SMC4: variants seen among roughly 807,000 people sequenced by gnomAD.
SMC4 encodes the protein structural maintenance of chromosomes protein 4.
Under a neutral mutation model 145.6 loss-of-function variants are expected in SMC4, and 87 were observed. That is an observed-to-expected ratio of 0.60 (90% CI 0.50 to 0.71). SMC4 has a LOEUF of 0.71. SMC4 is among the 30% of genes least tolerant of loss of function. SMC4 has a pLI of 0.00. For missense variants in SMC4, 1,447 were observed against 1,537.1 expected, an observed-to-expected ratio of 0.94 and a Z score of 0.98; for synonymous variants, 558 against 500.7, an observed-to-expected ratio of 1.11 and a Z score of -1.53.
intron 13 of SMC4, among the ~76,000 whole-genome samples, chr3:160,422,988 T>G (rs1027961412): frequency 6.6e-6 from 1 of 152,204 alleles, no homozygotes; most frequent in African/African-American, 2.4e-5. Flanking sequence ...GCTTTCAGTT[T>G]TATTACTTGT....
intron 15 of SMC4, 102 bp downstream of exon 15, chr3:160,423,942 C>A: frequency 1.3e-6 from 1 of 745,758 alleles, no homozygotes; most frequent in Non-Finnish European, 2.1e-6. Context: ...GTATGGTGTA[C>A]TCAAATTTTA....
intron 1 of SMC4, chr3:160,400,568 AAGC>A: frequency 2.3e-6 from 1 of 442,202 alleles, no homozygotes; most frequent in African/African-American, 2.1e-5. Context: ...ACAACAAACT[AAGC>A]AGTTGCTCAA....
At chr3:160,400,685 T>C (rs1308806657) in intron 1 of SMC4, 137 bp from the exon 2 acceptor site, 2 of 1,147,044 alleles carry the variant, frequency 1.7e-6, no homozygotes, top group African/African-American at 1.6e-5. Flanking sequence ...ATGGCTCCCT[T>C]CCCGAAGTCC....
Position 160,420,758 on chromosome 3 carries a change from G to T in SMC4, c.1876G>T (p.Asp626Tyr). Reference protein sequence around the residue: ...YGRLGDLGAIDEKYDVAISSC... With the variant: ...YGRLGDLGAIYEKYDVAISSC... ...TTATTAGGGGGACTTAGGAGCCATT[G>T]ATGAAAAATACGACGTGGCTATATC... The change falls in exon 13 of 24, where the codon GAT becomes TAT. Residue 626 changes from aspartate to tyrosine, a missense_variant. Coordinates refer to ENST00000357388, the MANE Select transcript of SMC4 (RefSeq NM_001002800.3). 2 of 1,613,648 alleles carry T rather than the reference G, an allele frequency of 1.2e-6. No homozygotes were observed. Among genetic ancestry groups the T allele is most frequent in the Non-Finnish European group, 1.7e-6 (2 of 1,179,854 alleles).
chr3:160,414,342 A>T (rs757595490), intron 8 of SMC4, 25 bp from the exon 9 acceptor site: 1 of 1,560,326 alleles, frequency 6.4e-7, no homozygotes, highest in African/African-American at 1.4e-5. Context: ...CAAAATAATG[A>T]CTTACAATAT....
Position 160,400,843 on chromosome 3 carries a change from C to A in SMC4, c.17C>A (p.Thr6Asn). 6.5e-7 allele frequency: 1 copy of A among 1,538,734 alleles called. No homozygotes were observed. Among genetic ancestry groups the A allele is most frequent in the Non-Finnish European group, 8.7e-7 (1 of 1,152,468 alleles). MPRKG[T>N]QPSTARRREE... ...CCAGCGACCATGCCCCGTAAAGGCACCCAGCCCTCCACTGCCCGGCGCAGA... is the reference window on the plus strand; with the variant it reads ...CCAGCGACCATGCCCCGTAAAGGCAACCAGCCCTCCACTGCCCGGCGCAGA... The change falls in exon 2 of 24, where the codon ACC becomes AAC. Residue 6 changes from threonine (T) to asparagine (N), a missense_variant. Physicochemically the swap from Thr to Asn is moderately conservative, Grantham distance 65 (BLOSUM62 0). Transcript: ENST00000357388.
At chr3:160,416,140 A>AAAG in intron 9 of SMC4, 111 bp from the exon 10 acceptor site, 1 of 631,996 alleles carries the variant, frequency 1.6e-6, no homozygotes. Flanking sequence ...CTCTGATTAT[A>AAAG]AAGAAAAGAA....
At chr3:160,432,129 G>A (rs924163311) in intron 21 of SMC4, among the ~76,000 whole-genome samples, 154 bp from the exon 22 acceptor site, 2 of 152,250 alleles carry the variant, frequency 1.3e-5, no homozygotes, top group Admixed American at 1.3e-4. Context: ...TTGAACCTGG[G>A]AGGTGGAGGT....
At chr3:160,409,364 T>G (rs939764667) in intron 5 of SMC4, among the ~76,000 whole-genome samples, 6 of 131,930 alleles carry the variant, frequency 4.5e-5, no homozygotes, top group African/African-American at 1.7e-4. Flanking sequence ...AAAAAAAAAA[T>G]GCTCAACTCT....
At chr3:160,400,149 G>C (rs1714366791) in intron 1 of SMC4, 1 of 152,420 alleles carries the variant, frequency 6.6e-6, no homozygotes, top group South Asian at 2.1e-4. Flanking sequence ...TGGGGAGCTG[G>C]AGAGACAAAC....
At chr3:160,432,955 G>A in intron 22 of SMC4, 71 bp from the exon 23 acceptor site, 1 of 1,037,566 alleles carries the variant, frequency 9.6e-7, no homozygotes, top group Non-Finnish European at 1.5e-6. Context: ...ACTCAATTAT[G>A]GAAAGCAAAT....
chr3:160,431,746 C>A lies in SMC4; in HGVS notation c.3218C>A (p.Thr1073Lys), dbSNP rs201788186. The A allele has an allele frequency of 8.4e-5, 135 of 1,613,676 alleles. No homozygotes were observed. The highest frequency in any genetic ancestry group is 1.1e-4 in the Non-Finnish European group (129 of 1,179,936). ...LEAIKNPDSITNQIALLEARC... is the reference protein window; with the variant it reads ...LEAIKNPDSIKNQIALLEARC... ...GCGATCAAGAATCCAGATTCTATAACAAATCAAATTGCACTTTTGGAAGCC... is the reference window on the plus strand; with the variant it reads ...GCGATCAAGAATCCAGATTCTATAAAAAATCAAATTGCACTTTTGGAAGCC... The change falls in exon 21 of 24, where the codon ACA becomes AAA. Residue 1073 changes from threonine to lysine, a missense_variant. Thr to Lys is a moderately conservative substitution (Grantham distance 78). Transcript: ENST00000357388.
At position 160,430,721 on chromosome 3, in the gene SMC4, T is replaced by TA; in HGVS notation, c.2921dup (p.Asn975GlufsTer30). The stretch of plus-strand genomic sequence containing the variant: ...CTTGAGGACAAAGCAGCAGAGGTCG[T>TA]AAAGAATACAAATGCTGCAGAGGTA... On this transcript the variant is annotated frameshift_variant, in exon 19 of 24. Coordinates refer to ENST00000357388, the MANE Select transcript of SMC4 (RefSeq NM_001002800.3). LOFTEE classifies it high-confidence loss of function. 6.2e-7 allele frequency: 1 copy of TA among 1,612,398 alleles called. No individual in the cohort carries two copies. Among genetic ancestry groups the TA allele is most frequent in the Non-Finnish European group, 8.5e-7 (1 of 1,179,554 alleles).
Position 160,417,704 on chromosome 3 carries a change from T to C in SMC4, c.1438-19T>C. On this transcript the variant is annotated intron_variant, in intron 10 of 23. Transcript: ENST00000357388. ...AAAGTAAATATCTGTCCAGATTTAA[T>C]GAACTCATATTTTAACAGAGTCGAG... The C allele has an allele frequency of 6.4e-7, 1 of 1,574,058 alleles. No individual in the cohort carries two copies. The highest frequency in any genetic ancestry group is 1.3e-5 in the African/African-American group (1 of 74,140).
chr3:160,424,866 G>A lies in SMC4; in HGVS notation c.2326-1G>A. On this transcript the variant is annotated splice_acceptor_variant, in intron 15 of 23. Coordinates refer to ENST00000357388, the MANE Select transcript of SMC4 (RefSeq NM_001002800.3). LOFTEE classifies it high-confidence loss of function. ...GCTCTTAGAGAAAACTTTCTTTGTA[G>A]GTAAACAAAATGGAATCACAGTTGC... The A allele has an allele frequency of 6.2e-7, 1 of 1,613,024 alleles. No homozygotes were observed. The highest frequency in any genetic ancestry group is 8.5e-7 in the Non-Finnish European group (1 of 1,179,714).
At chr3:160,403,592 CAG>C (rs961184226) in intron 4 of SMC4, among the ~76,000 whole-genome samples, 38 of 152,162 alleles carry the variant, frequency 2.5e-4, no homozygotes, top group Middle Eastern at 3.4e-3. Context: ...TTTAATTACA[CAG>C]AATCATCTAT....
chr3:160,404,707 C>G (rs377188987), intron 5 of SMC4: 6 of 709,244 alleles, frequency 8.5e-6, no homozygotes, highest in Admixed American at 7.1e-5. Context: ...TTTTCATCAT[C>G]AGATGTTCGT....
In SMC4 at chr3:160,399,696, A is replaced by AG. The variant is rs1714239674; in HGVS notation, c.-57dup. ...AGCCGAAACACCGGTAGGAGCGGGG[A>AG]GGTGGGTACTACACAACCGTCTCCA... On this transcript the variant is annotated 5_prime_UTR_variant, in exon 1 of 24. Transcript: ENST00000357388. 6.6e-6 allele frequency: 1 copy of AG among 152,562 alleles called. No individual in the cohort carries two copies. The highest frequency in any genetic ancestry group is 1.9e-4 in the East Asian group (1 of 5,192). 9.5% of individuals were successfully genotyped at this position (152,562 alleles called of 1,614,324 possible).
rs1717627809 is a variant in SMC4, at chr3:160,425,030, G to GTGTGTGTGTA, written c.2478+20_2478+21insATGTGTGTGT. 6.6e-7 allele frequency: 1 copy of GTGTGTGTGTA among 1,516,376 alleles called. No homozygotes were observed. The highest frequency in any genetic ancestry group is 1.4e-5 in the African/African-American group (1 of 70,376). The allele number at this position is 1,516,376 out of a possible 1,614,324, so 93.9% of individuals were successfully genotyped here. A position where few individuals can be genotyped will look rare whatever the true frequency, so the allele number is the denominator to read the frequency against. On this transcript the variant is annotated intron_variant, in intron 16 of 23. Coordinates refer to ENST00000357388, the MANE Select transcript of SMC4 (RefSeq NM_001002800.3). ...ACTGCAAGCATCCAGGTATGTGTGT[G>GTGTGTGTGTA]TGTGTGTGTGTGTGTGTGTGTGTAC... is the stretch of plus-strand genomic sequence containing the variant.
Sources: allele counts gnomAD v4.1 joint callset (sites outside exome capture counted in the v4.1 genomes callset), GRCh38; gene constraint gnomAD v4.1.1; transcripts MANE v1.5; gene names NCBI Gene and HGNC (gene_info 2026-07-23, HGNC 2026-07-21).